ZNF462: variants seen among roughly 807,000 people sequenced by gnomAD.
The protein encoded by ZNF462 is zinc finger protein 462, also known as zinc finger PBX1-interacting protein.
In ZNF462, 10 loss-of-function variants were observed where a neutral mutation model predicts 201.9. That is an observed-to-expected ratio of 0.05 (90% CI 0.03 to 0.08). The LOEUF (loss-of-function observed/expected upper bound fraction) is 0.08. Among genes scored for constraint, ZNF462 ranks in the 10% least tolerant of loss-of-function variants. The pLI, the probability that ZNF462 is intolerant of heterozygous loss-of-function variation, is 1.00. For missense variants in ZNF462, 2,523 were observed against 3,168.3 expected (o/e 0.80, Z 4.89); for synonymous variants, 1,227 against 1,193.3 (o/e 1.03, Z -0.58).
chr9:106,937,163 C>T (rs1476014137), intron 6 of ZNF462, among the ~76,000 whole-genome samples: 1 of 152,000 alleles, frequency 6.6e-6, no homozygotes, highest in Admixed American at 6.6e-5. Context: ...TCTCTCAGGT[C>T]GTGCAACTCA....
At position 106,959,366 on chromosome 9, in the gene ZNF462, A is replaced by G. The variant is rs535086483; in HGVS notation, c.6428-12639A>G. 2.0e-5 allele frequency among the ~76,000 whole-genome samples: 3 copies of G among 152,212 alleles called. No homozygotes were observed. The South Asian group carries it at 6.2e-4, about 32-fold the overall frequency. On this transcript the variant is annotated intron_variant, in intron 7 of 12. Transcript: ENST00000277225. ...GTTCCACTTGATTCTGCAGTCCAGT[A>G]AAGGAGTCCAAATGCTTCCATCCAT... is the stretch of plus-strand genomic sequence containing the variant.
Position 106,927,428 on chromosome 9 carries a change from C to G in ZNF462, c.3516C>G (p.Pro1172=). Residue 1172 remains proline (P), a synonymous_variant, in exon 3 of 13, where the codon CCC becomes CCG. Coordinates refer to ENST00000277225, the MANE Select transcript of ZNF462 (RefSeq NM_021224.6). ...AAGGCTCCCCCCGGCCACCCGCCCC[C>G]ATACAACAGCTGAACCGAAGCAGCT... The part of the protein sequence containing the change: ...GPQGSPRPPA[P]IQQLNRSSSE... 1 of 1,614,118 alleles carries G rather than the reference C, an allele frequency of 6.2e-7. No individual in the cohort carries two copies. The highest frequency in any genetic ancestry group is 8.5e-7 in the Non-Finnish European group (1 of 1,180,016).
rs140400098 is a variant in ZNF462, at chr9:106,990,316, T to C, written c.7056+5907T>C. ...ATACAATTTCAATTTTCTTAATTTA[T>C]TGAGGCTCATTCTATGGCTCGTCAT... On this transcript the variant is annotated intron_variant, in intron 10 of 12. Transcript: ENST00000277225. 4.6e-3 allele frequency among the ~76,000 whole-genome samples: 699 copies of C among 152,212 alleles called. 11 individuals are homozygous for C. Among genetic ancestry groups the C allele is most frequent in the African/African-American group, 0.016 (676 of 41,566 alleles).
At chr9:106,869,555 A>AT (rs1554691755) in intron 1 of ZNF462, among the ~76,000 whole-genome samples, 1 of 152,182 alleles carries the variant, frequency 6.6e-6, no homozygotes, top group Non-Finnish European at 1.5e-5. Context: ...GAATGCATCA[A>AT]TTTTTAATCC....
chr9:106,985,366 A>G (rs1827757851), intron 10 of ZNF462, among the ~76,000 whole-genome samples: 1 of 152,208 alleles, frequency 6.6e-6, no homozygotes, highest in Non-Finnish European at 1.5e-5. Flanking sequence ...GAGAATGAAT[A>G]CATTAGTACA....
At position 106,966,168 on chromosome 9, in the gene ZNF462, A is replaced by G. The variant is rs1012497442; in HGVS notation, c.6428-5837A>G. On this transcript the variant is annotated intron_variant, in intron 7 of 12. Transcript: ENST00000277225. This position sits in a 1 kb window ranked among gnomAD's most constrained non-coding sequence, Gnocchi z 4.4. ...TTCAGAAGAAAATTACAATCCATGT[A>G]TTATTTTGAACTTCCTATGCTATTT... Among the ~76,000 whole-genome samples, 2 of 152,050 alleles carry G rather than the reference A, an allele frequency of 1.3e-5. No individual in the cohort carries two copies. Among genetic ancestry groups the G allele is most frequent in the African/African-American group, 4.8e-5 (2 of 41,418 alleles).
rs1346280732 is a variant in ZNF462, at chr9:106,954,605, T to C, written c.6427+15498T>C. Among the ~76,000 whole-genome samples, 1 of 152,118 alleles carries C rather than the reference T, an allele frequency of 6.6e-6. No individual in the cohort carries two copies. The highest frequency in any genetic ancestry group is 6.6e-5 in the Admixed American group (1 of 15,260). Reference sequence around the variant, plus strand: ...GCCTCATTCTCCCTATATTCTAGCCTAACTGGAATGAGCATCTCTCTCCTC... The same window carrying C: ...GCCTCATTCTCCCTATATTCTAGCCCAACTGGAATGAGCATCTCTCTCCTC... On this transcript the variant is annotated intron_variant, in intron 7 of 12. Coordinates refer to ENST00000277225, the MANE Select transcript of ZNF462 (RefSeq NM_021224.6). This position sits in a 1 kb window ranked among gnomAD's most constrained non-coding sequence, Gnocchi z 4.0.
intron 1 of ZNF462, among the ~76,000 whole-genome samples, chr9:106,864,133 G>A (rs1827217085): frequency 7.1e-6 from 1 of 141,360 alleles, no homozygotes; most frequent in African/African-American, 2.6e-5. Flanking sequence ...GTTGGGATGC[G>A]GGGTCGGGAT....
Position 106,984,964 on chromosome 9 carries a change from A to T in ZNF462, c.7056+555A>T, listed in dbSNP as rs1039724181. On this transcript the variant is annotated intron_variant, in intron 10 of 12. Transcript: ENST00000277225. This position sits in a 1 kb window ranked among gnomAD's most constrained non-coding sequence, Gnocchi z 6.4. ...ATCTCTACAAAAAATACAAAAGATT[A>T]GCCAGGCATGGTGGTGTGCACCTGT... 2.6e-5 allele frequency among the ~76,000 whole-genome samples: 4 copies of T among 152,164 alleles called. No individual in the cohort carries two copies. Among genetic ancestry groups the T allele is most frequent in the African/African-American group, 9.7e-5 (4 of 41,450 alleles).
Position 106,923,324 on chromosome 9 carries a change from T to C in ZNF462, c.-30-30T>C. 6.5e-7 allele frequency: 1 copy of C among 1,548,418 alleles called. No homozygotes were observed. Among genetic ancestry groups the C allele is most frequent in the Non-Finnish European group, 8.9e-7 (1 of 1,121,930 alleles). ...CGAGGTATGTGATTAGTGCATTCCT[T>C]AAGATGTTTTGTTCTGACTTCTGCC... On this transcript the variant is annotated intron_variant, in intron 1 of 12. Coordinates refer to ENST00000277225, the MANE Select transcript of ZNF462 (RefSeq NM_021224.6). This position sits in a 1 kb window ranked among gnomAD's most constrained non-coding sequence, Gnocchi z 5.6.
intron 1 of ZNF462, among the ~76,000 whole-genome samples, chr9:106,889,614 C>G (rs1403527749): frequency 1.3e-5 from 2 of 152,196 alleles, no homozygotes; most frequent in African/African-American, 4.8e-5. Context: ...CGTGGGCTTA[C>G]TTGTTTTTTA....
At chr9:106,911,107 T>C (rs1243672121) in intron 1 of ZNF462, among the ~76,000 whole-genome samples, 2 of 152,150 alleles carry the variant, frequency 1.3e-5, no homozygotes, top group African/African-American at 2.4e-5. Flanking sequence ...CTGAAGTTTT[T>C]AAGGGAGGTA....
At chr9:106,888,623 G>T (rs7045628) in intron 1 of ZNF462, among the ~76,000 whole-genome samples, 65,820 of 151,984 alleles carry the variant, frequency 0.43, 15,942 homozygotes, top group African/African-American at 0.66. Flanking sequence ...AGATAGCTCC[G>T]TATATGCAGT....
chr9:106,979,067 C>T lies in ZNF462; in HGVS notation c.6832+4794C>T, dbSNP rs140111906. ...CTCCCTTCTTAGGACTCAGGGCAAG[C>T]GGGAAGACAGCCAGCTCCATGGGAT... On this transcript the variant is annotated intron_variant, in intron 9 of 12. Coordinates refer to ENST00000277225, the MANE Select transcript of ZNF462 (RefSeq NM_021224.6). The T allele has an allele frequency of 4.8e-4, 80 of 166,016 alleles. 4 individuals are homozygous for T. Among genetic ancestry groups the T allele is most frequent in the African/African-American group, 1.8e-3 (75 of 41,110 alleles). 10.3% of individuals were successfully genotyped at this position (166,016 alleles called of 1,614,324 possible).
At position 106,935,253 on chromosome 9, in the gene ZNF462, A is replaced by T. The variant is rs143758230; in HGVS notation, c.6117-250A>T. Among the ~76,000 whole-genome samples, 1,269 of 152,060 alleles carry T rather than the reference A, an allele frequency of 8.3e-3. 8 individuals carry two copies. The highest frequency in any genetic ancestry group is 0.015 in the Non-Finnish European group (1,028 of 68,016). ...AGGGACAATAAAGATTCTTACCATG[A>T]CCTGTTACCACTGCCATATCTCTAA... On this transcript the variant is annotated intron_variant, in intron 5 of 12. Coordinates refer to ENST00000277225, the MANE Select transcript of ZNF462 (RefSeq NM_021224.6). The surrounding 1 kb of genome is among the most constrained non-coding windows in gnomAD (Gnocchi z 4.1).
At chr9:106,959,371 A>C (rs1831725063) in intron 7 of ZNF462, among the ~76,000 whole-genome samples, 1 of 152,116 alleles carries the variant, frequency 6.6e-6, no homozygotes, top group Non-Finnish European at 1.5e-5. Flanking sequence ...CCAGTAAAGG[A>C]GTCCAAATGC....
At chr9:107,007,515 G>A (rs968433278) in intron 11 of ZNF462, among the ~76,000 whole-genome samples, 1 of 152,192 alleles carries the variant, frequency 6.6e-6, no homozygotes, top group Non-Finnish European at 1.5e-5. Flanking sequence ...CTCAGAGGGT[G>A]GGGGATTTAC....
In ZNF462 at chr9:106,924,607, T is replaced by C; in HGVS notation, c.695T>C (p.Met232Thr). ...EVVERSILES[M>T]VKPLTKSRGN... The stretch of plus-strand genomic sequence containing the variant: ...GTGGAGCGCAGCATCTTAGAGTCTA[T>C]GGTCAAGCCTTTGACCAAATCTCGA... Residue 232 changes from methionine to threonine, a missense_variant, in exon 3 of 13, where the codon ATG becomes ACG. This residue lies in a region of ZNF462 where 480 missense variants were observed against 544.4 expected (regional missense o/e 0.88). Coordinates refer to ENST00000277225, the MANE Select transcript of ZNF462 (RefSeq NM_021224.6). The surrounding 1 kb of genome is among the most constrained non-coding windows in gnomAD (Gnocchi z 6.2). The C allele has an allele frequency of 1.9e-6, 3 of 1,614,164 alleles. No homozygotes were observed. The highest frequency in any genetic ancestry group is 2.5e-6 in the Non-Finnish European group (3 of 1,180,036).
chr9:106,903,933 A>C (rs1366105921), intron 1 of ZNF462, among the ~76,000 whole-genome samples: 1 of 152,140 alleles, frequency 6.6e-6, no homozygotes, highest in African/African-American at 2.4e-5. Flanking sequence ...TCAGTATTGA[A>C]ATGTGAGGTA....
Sources: gnomAD v4.1 joint callset for allele counts (sites outside exome capture counted in the v4.1 genomes callset) on GRCh38, gnomAD v4.1.1 for gene constraint, gnomAD v4.1.1 regional missense constraint, Gnocchi (gnomAD v3.1) non-coding constraint, MANE v1.5 for transcripts, NCBI Gene and HGNC (gene_info 2026-07-23, HGNC 2026-07-21) for gene names.